Variants in TRIM36 observed in about 807,000 individuals in gnomAD.
The protein encoded by TRIM36 is tripartite motif containing 36.
A neutral mutation model predicts 72.4 loss-of-function variants in TRIM36; 42 were observed. The ratio of observed to expected loss-of-function variants is 0.58; its 90% CI spans 0.45 to 0.75. The LOEUF (loss-of-function observed/expected upper bound fraction) is 0.75, where lower values mean the gene tolerates loss of function less well. TRIM36 is among the 30% of genes least tolerant of loss of function. TRIM36 has a pLI of 0.00. For missense variants in TRIM36, 913 were observed against 857.1 expected, an observed-to-expected ratio of 1.07 and a Z score of -0.81; for synonymous variants, 315 against 282.8, an observed-to-expected ratio of 1.11 and a Z score of -1.14.
upstream of TRIM36, chr5:115,170,054 A>T: frequency 1.1e-6 from 1 of 884,376 alleles, no homozygotes; most frequent in South Asian, 5.0e-5. Flanking sequence ...TCTGAGTGGT[A>T]GGCTGAGCGG....
At chr5:115,171,357 C>A, upstream of TRIM36, 5 of 1,270,852 alleles carry the variant, frequency 3.9e-6, 1 homozygote, top group Non-Finnish European at 5.4e-6. Context: ...TGTTCTGATC[C>A]GGATTAATGC....
intron 7 of TRIM36, among the ~76,000 whole-genome samples, chr5:115,135,485 A>AG (rs1214076633): frequency 6.6e-6 from 1 of 152,010 alleles, no homozygotes; most frequent in African/African-American, 2.4e-5. Context: ...TTACTAAAAA[A>AG]AAAAAAATGC....
chr5:115,169,013 A>ATT (rs1030994033), intron 1 of TRIM36: 4 of 152,428 alleles, frequency 2.6e-5, no homozygotes, highest in African/African-American at 9.6e-5. Context: ...AAACAAACTG[A>ATT]TTAAGTGTGA....
intron 9 of TRIM36, among the ~76,000 whole-genome samples, chr5:115,127,155 G>T (rs1470604044): frequency 6.6e-6 from 1 of 152,150 alleles, no homozygotes; most frequent in Admixed American, 6.5e-5. Context: ...GTGATAACTG[G>T]TCAAATGTTA....
At chr5:115,143,990 C>A (rs1379855249) in intron 4 of TRIM36, among the ~76,000 whole-genome samples, 1 of 152,036 alleles carries the variant, frequency 6.6e-6, no homozygotes, top group African/African-American at 2.4e-5. Flanking sequence ...CCTGCCTCAG[C>A]CTCTTGAGTA....
chr5:115,170,890 G>C (rs1755083242), upstream of TRIM36, among the ~76,000 whole-genome samples: 1 of 152,244 alleles, frequency 6.6e-6, no homozygotes, highest in South Asian at 2.1e-4. Context: ...GCCAGCTCAA[G>C]GACTGGCGGC....
At chr5:115,153,936 A>G (rs1259341507) in intron 2 of TRIM36, 2 of 152,210 alleles carry the variant, frequency 1.3e-5, no homozygotes, top group Non-Finnish European at 2.9e-5. Flanking sequence ...TAGGCCACAA[A>G]ATGAGCCTCA....
chr5:115,147,411 T>G lies in TRIM36; in HGVS notation c.263-17A>C, dbSNP rs754747531. 1.2e-6 allele frequency: 2 copies of G among 1,603,090 alleles called. No individual in the cohort carries two copies. The highest frequency in any genetic ancestry group is 4.5e-5 in the East Asian group (2 of 44,640). Reference sequence around the variant, plus strand: ...GCTTCCAGCCTGTGTAATTAGTAAGTCTTTGTTTAGTTATAGCAGTAGGAA... The same window carrying G: ...GCTTCCAGCCTGTGTAATTAGTAAGGCTTTGTTTAGTTATAGCAGTAGGAA... On this transcript the variant is annotated splice_polypyrimidine_tract_variant and intron_variant, in intron 2 of 9. Coordinates refer to ENST00000513154, the MANE Select transcript of TRIM36 (RefSeq NM_001300759.2).
chr5:115,157,658 A>C (rs1305008461), intron 2 of TRIM36, among the ~76,000 whole-genome samples: 3 of 152,232 alleles, frequency 2.0e-5, no homozygotes, highest in African/African-American at 7.2e-5. Context: ...TATACAAAAA[A>C]AGATACTTGC....
At position 115,147,594 on chromosome 5, in the gene TRIM36, A is replaced by T. The variant is rs147100373; in HGVS notation, c.263-200T>A. On this transcript the variant is annotated intron_variant, in intron 2 of 9. Transcript: ENST00000513154. ...TACAAAAGACAAGCCCAAGTTATCA[A>T]ATCAAACAGCAAATCAAAAAGGAAA... Among the ~76,000 whole-genome samples, 173 of 152,368 alleles carry T rather than the reference A, an allele frequency of 1.1e-3. 1 individual carries two copies. The highest frequency in any genetic ancestry group is 4.0e-3 in the African/African-American group (166 of 41,584).
chr5:115,174,223 G>T (rs114067215), upstream of TRIM36: 214 of 152,282 alleles, frequency 1.4e-3, 2 homozygotes, highest in African/African-American at 4.7e-3. Flanking sequence ...TTTGCTCTGA[G>T]ATCAGACAGG....
chr5:115,179,891 A>G (rs2278695), intron 1 of TRIM36: 313,822 of 1,362,584 alleles, frequency 0.23, 38,016 homozygotes, highest in East Asian at 0.32. Flanking sequence ...AGGCGCTGGA[A>G]TGGACACGGA....
At position 115,162,843 on chromosome 5, in the gene TRIM36, G is replaced by GT. The variant is rs1754556364; in HGVS notation, c.262+674dup. ...GGTAGTCCCACTCCTTAACTCTGCA[G>GT]TATTTATTTTCCTATTACCATATAT... On this transcript the variant is annotated intron_variant, in intron 2 of 9. Coordinates refer to ENST00000513154, the MANE Select transcript of TRIM36 (RefSeq NM_001300759.2). Among the ~76,000 whole-genome samples, 4 of 152,076 alleles carry GT rather than the reference G, an allele frequency of 2.6e-5. No individual in the cohort carries two copies. The South Asian group carries it at 8.3e-4, about 32-fold the overall frequency.
At chr5:115,131,342 C>T (rs1388992347) in intron 8 of TRIM36, among the ~76,000 whole-genome samples, 1 of 152,102 alleles carries the variant, frequency 6.6e-6, no homozygotes, top group Non-Finnish European at 1.5e-5. Flanking sequence ...TATCAACCAA[C>T]ATGGCAGACA....
chr5:115,134,819 C>T (rs1319207804), intron 7 of TRIM36, among the ~76,000 whole-genome samples: 3 of 152,194 alleles, frequency 2.0e-5, no homozygotes, highest in Non-Finnish European at 2.9e-5. Context: ...GGATTACAGG[C>T]ATGAGCCACT....
chr5:115,177,936 AGTTT>A (rs1423631290), intron 1 of TRIM36: 29 of 1,568,822 alleles, frequency 1.8e-5, no homozygotes, highest in African/African-American at 5.4e-5. Context: ...CCAGAAAGTT[AGTTT>A]GTGTTTTTTC....
intron 2 of TRIM36, chr5:115,153,923 T>C (rs1488621045): frequency 1.3e-5 from 2 of 152,170 alleles, no homozygotes; most frequent in Non-Finnish European, 2.9e-5. Context: ...ACAGACCATA[T>C]GATAGGCCAC....
chr5:115,170,090 C>G, upstream of TRIM36: 1 of 561,184 alleles, frequency 1.8e-6, no homozygotes, highest in Non-Finnish European at 2.3e-6. Context: ...GGGTGTGGCA[C>G]GCGGTTGGGA....
chr5:115,133,818 C>T (rs778923359), intron 8 of TRIM36, 42 bp downstream of exon 8: 1 of 1,524,324 alleles, frequency 6.6e-7, no homozygotes, highest in East Asian at 2.3e-5. Context: ...AGGTCTCTTG[C>T]AACTAACTCT....
Sources: gnomAD v4.1 joint callset for allele counts (sites outside exome capture counted in the v4.1 genomes callset) on GRCh38, gnomAD v4.1.1 for gene constraint, MANE v1.5 for transcripts, NCBI Gene and HGNC (gene_info 2026-07-23, HGNC 2026-07-21) for gene names.